The following PDGFRB variants were observed in gnomAD, a reference collection of about 807,000 sequenced individuals.
The protein encoded by PDGFRB is platelet-derived growth factor receptor beta.
PDGFRB carries 42 observed loss-of-function variants against 120.2 expected under a neutral mutation model. The observed-to-expected ratio is 0.35, with a 90% CI of 0.27 to 0.45. The LOEUF is 0.45. Ranked by LOEUF, PDGFRB falls within the 20% of genes least tolerant of loss-of-function variation. The probability of loss-of-function intolerance (pLI) is 1.00; values close to 1 mark genes in which losing one functional copy is unlikely to be tolerated. For synonymous variants in PDGFRB, 586 were observed against 606.8 expected, an observed-to-expected ratio of 0.97 and a Z score of 0.50; for missense variants, 1,149 against 1,476.3, an observed-to-expected ratio of 0.78 and a Z score of 3.63.
chr5:150,140,612 C>G (rs1760757835), intron 1 of PDGFRB, among the ~76,000 whole-genome samples: 1 of 151,934 alleles, frequency 6.6e-6, no homozygotes, highest in South Asian at 2.1e-4. Context: ...GTCCGGGGCA[C>G]AGAGTGGAAC....
At chr5:150,127,443 A>C (rs374431843) in intron 10 of PDGFRB, among the ~76,000 whole-genome samples, 1 of 152,012 alleles carries the variant, frequency 6.6e-6, no homozygotes, top group East Asian at 1.9e-4. Flanking sequence ...CTCCCCATCC[A>C]TTGCTATAAC....
chr5:150,132,176 G>A lies in PDGFRB; in HGVS notation c.1128-82C>T. The A allele has an allele frequency of 1.3e-6, 1 of 752,980 alleles. No homozygotes were observed. The highest frequency in any genetic ancestry group is 1.6e-5 in the South Asian group (1 of 61,358). The allele number at this position is 752,980 out of a possible 1,614,324, so 46.6% of individuals were successfully genotyped here. On this transcript the variant is annotated intron_variant, in intron 7 of 22. Coordinates refer to ENST00000261799, the MANE Select transcript of PDGFRB (RefSeq NM_002609.4). The surrounding 1 kb of genome is among the most constrained non-coding windows in gnomAD (Gnocchi z 5.0). ...CCCTCCTGGTATAAAGAGGAACAAG[G>A]CCCAGGGAGGGGAAGGGCTTGCCAA...
chr5:150,127,850 A>C (rs1760341018), intron 10 of PDGFRB, among the ~76,000 whole-genome samples: 1 of 150,290 alleles, frequency 6.7e-6, no homozygotes. Context: ...AAAAAAAAAA[A>C]AAAAAAAAAC....
At chr5:150,136,335 AG>A (rs1468795861) in intron 2 of PDGFRB, among the ~76,000 whole-genome samples, 1 of 152,122 alleles carries the variant, frequency 6.6e-6, no homozygotes, top group East Asian at 1.9e-4. Context: ...TAGGTAGCTC[AG>A]AGGGGGGCCA....
rs150637468 is a variant in PDGFRB, at chr5:150,151,157, A to T, written c.-7+4240T>A. On this transcript the variant is annotated intron_variant, in intron 1 of 22. Transcript: ENST00000261799. Reference sequence around the variant, plus strand: ...AAAAAAACCCTTTCATTGTGAAATTAAATATGCATGATCCCTGAGTACACA... The same window carrying T: ...AAAAAAACCCTTTCATTGTGAAATTTAATATGCATGATCCCTGAGTACACA... Among the ~76,000 whole-genome samples, 44 of 152,312 alleles carry T rather than the reference A, an allele frequency of 2.9e-4. 3 individuals carry two copies. The highest frequency in any genetic ancestry group is 1.0e-3 in the African/African-American group (43 of 41,566).
At position 150,114,004 on chromosome 5, in the gene PDGFRB, G is replaced by A. The variant is rs373517726; in HGVS notation, c.*1759C>T. 12 of 233,516 alleles carry A rather than the reference G, an allele frequency of 5.1e-5. No individual in the cohort carries two copies. The highest frequency in any genetic ancestry group is 5.9e-5 in the Non-Finnish European group (7 of 117,934). The allele number at this position is 233,516 out of a possible 1,614,324, so 14.5% of individuals were successfully genotyped here. Reference sequence around the variant, plus strand: ...CCTAGGTGATTATATCTTTGGTACCGTATTGAGAACCCACTCTCCCTCCTT... The same window carrying A: ...CCTAGGTGATTATATCTTTGGTACCATATTGAGAACCCACTCTCCCTCCTT... On this transcript the variant is annotated 3_prime_UTR_variant, in exon 23 of 23. Transcript: ENST00000261799.
chr5:150,134,661 G>T, intron 4 of PDGFRB, 89 bp downstream of exon 4: 1 of 1,193,818 alleles, frequency 8.4e-7, no homozygotes, highest in Non-Finnish European at 1.2e-6. Context: ...GGGAAGTGGA[G>T]TCCCACACTT....
chr5:150,129,555 G>A (rs918832072), intron 10 of PDGFRB, among the ~76,000 whole-genome samples: 5 of 152,202 alleles, frequency 3.3e-5, no homozygotes, highest in Admixed American at 3.3e-4. Context: ...TTACAGACTT[G>A]TGTTTGTACA....
chr5:150,127,651 T>C (rs1032546557), intron 10 of PDGFRB, among the ~76,000 whole-genome samples: 2 of 151,896 alleles, frequency 1.3e-5, no homozygotes, highest in Non-Finnish European at 2.9e-5. Flanking sequence ...CTGGCCAATA[T>C]GGTGAAATCC....
intron 4 of PDGFRB, chr5:150,134,234 C>T: frequency 5.2e-6 from 3 of 576,034 alleles, no homozygotes; most frequent in South Asian, 4.1e-5. Context: ...ATGGAGCTGA[C>T]GTTCTAGAAG....
intron 10 of PDGFRB, among the ~76,000 whole-genome samples, 192 bp from the exon 11 acceptor site, chr5:150,126,806 C>T (rs1186218332): frequency 6.6e-6 from 1 of 152,242 alleles, no homozygotes; most frequent in Non-Finnish European, 1.5e-5. Flanking sequence ...TGTAAATACT[C>T]CATCCCCTCA....
At position 150,121,200 on chromosome 5, in the gene PDGFRB, G is replaced by C. The variant is rs557338313; in HGVS notation, c.2463+4C>G. 1 of 1,398,154 alleles carries C rather than the reference G, an allele frequency of 7.2e-7. No homozygotes were observed. Among genetic ancestry groups the C allele is most frequent in the Non-Finnish European group, 1.0e-6 (1 of 986,756 alleles). The allele number at this position is 1,398,154 out of a possible 1,614,324, so 86.6% of individuals were successfully genotyped here. A position where few individuals can be genotyped will look rare whatever the true frequency, so the allele number is the denominator to read the frequency against. ...CCACTCTGCCCCACCAACACCACACGTACGTTCTTGGAGGCCAGAAACTCC... is the reference window on the plus strand; with the variant it reads ...CCACTCTGCCCCACCAACACCACACCTACGTTCTTGGAGGCCAGAAACTCC... On this transcript the variant is annotated splice_donor_region_variant and intron_variant, in intron 17 of 22. Transcript: ENST00000261799. The surrounding 1 kb of genome is among the most constrained non-coding windows in gnomAD (Gnocchi z 4.1).
Position 150,120,644 on chromosome 5 carries a change from A to C in PDGFRB, c.2586+244T>G, listed in dbSNP as rs1031315971. On this transcript the variant is annotated intron_variant, in intron 18 of 22. Coordinates refer to ENST00000261799, the MANE Select transcript of PDGFRB (RefSeq NM_002609.4). The surrounding 1 kb of genome is among the most constrained non-coding windows in gnomAD (Gnocchi z 4.3). The stretch of plus-strand genomic sequence containing the variant: ...CATTCGGCCTGTTCCCCCTTCCCCC[A>C]CCCTGGACCCATTATAGCCAGCCCT... Among the ~76,000 whole-genome samples the C allele has an allele frequency of 2.7e-5, 4 of 149,120 alleles. No homozygotes were observed. Among genetic ancestry groups the C allele is most frequent in the Admixed American group, 6.6e-5 (1 of 15,068 alleles).
chr5:150,153,090 G>T (rs1366858239), intron 1 of PDGFRB, among the ~76,000 whole-genome samples: 1 of 152,244 alleles, frequency 6.6e-6, no homozygotes, highest in Non-Finnish European at 1.5e-5. Flanking sequence ...GATGTGGGGG[G>T]TCTGAGGTTG....
chr5:150,136,917 C>G (rs2240781), intron 2 of PDGFRB, 91 bp downstream of exon 2: 1 of 979,948 alleles, frequency 1.0e-6, no homozygotes, highest in Admixed American at 2.0e-5. Flanking sequence ...TGGTGCTTCA[C>G]GCCCTGCCAC....
chr5:150,120,186 G>C lies in PDGFRB; in HGVS notation c.2587-63C>G. The C allele has an allele frequency of 1.3e-6, 1 of 781,030 alleles. No individual in the cohort carries two copies. Among genetic ancestry groups the C allele is most frequent in the South Asian group, 1.4e-5 (1 of 73,762 alleles). 48.4% of individuals were successfully genotyped at this position (781,030 alleles called of 1,614,324 possible). On this transcript the variant is annotated intron_variant, in intron 18 of 22. Transcript: ENST00000261799. The surrounding 1 kb of genome is among the most constrained non-coding windows in gnomAD (Gnocchi z 4.3). ...GGACCTCAGCCCCACTCTGCACCTG[G>C]GATGGGAGGAGGGTATCTGGCAGCT...
chr5:150,134,695 TC>T (rs1562010603), intron 4 of PDGFRB, 54 bp downstream of exon 4: 4 of 1,520,734 alleles, frequency 2.6e-6, no homozygotes, highest in Middle Eastern at 1.8e-4. Flanking sequence ...GGGCTATTCC[TC>T]TGTGGAGGGT....
chr5:150,153,711 T>G (rs1761144447), intron 1 of PDGFRB: 1 of 152,014 alleles, frequency 6.6e-6, no homozygotes, highest in South Asian at 2.1e-4. Context: ...ACTGCATGAC[T>G]TCAGAACTTG....
In PDGFRB at chr5:150,124,315, T is replaced by C. The variant is rs148655406; in HGVS notation, c.1958A>G (p.Lys653Arg). 4 of 1,614,028 alleles carry C rather than the reference T, an allele frequency of 2.5e-6. No homozygotes were observed. In the African/African-American group the frequency reaches 5.3e-5, roughly 22 times the overall value. The change falls in exon 14 of 23, where the codon AAG (lysine) becomes AGG (arginine). Residue 653 changes from lysine to arginine, a missense_variant. Lys to Arg is a conservative substitution (Grantham distance 26, BLOSUM62 2). Coordinates refer to ENST00000261799, the MANE Select transcript of PDGFRB (RefSeq NM_002609.4). ...GTGGGGCCCAAGGTGACTCATGATC[T>C]TCAGCTCCGACATAAGGGCTTGCTT... ...SEKQALMSEL[K>R]IMSHLGPHLN...
Sources: allele counts gnomAD v4.1 joint callset (sites outside exome capture counted in the v4.1 genomes callset), GRCh38; gene constraint gnomAD v4.1.1; non-coding constraint Gnocchi (gnomAD v3.1); transcripts MANE v1.5; gene names NCBI Gene and HGNC (gene_info 2026-07-23, HGNC 2026-07-21).